SAMD4A: variants seen among roughly 807,000 people sequenced by gnomAD.
The protein encoded by SAMD4A is protein Smaug homolog 1.
A neutral mutation model predicts 81.3 loss-of-function variants in SAMD4A; 33 were observed. The observed-to-expected ratio is 0.41, with a 90% CI of 0.31 to 0.54. SAMD4A has a LOEUF of 0.54. Among genes scored for constraint, SAMD4A ranks in the 20% least tolerant of loss-of-function variants. The probability of loss-of-function intolerance (pLI) is 0.37; values close to 1 mark genes in which losing one functional copy is unlikely to be tolerated. For missense variants in SAMD4A, 854 were observed against 951.1 expected (o/e 0.90, Z 1.34); for synonymous variants, 389 against 382.1 (o/e 1.02, Z -0.21).
At chr14:54,753,297 C>T (rs141658752) in intron 6 of SAMD4A, among the ~76,000 whole-genome samples, 52 of 138,076 alleles carry the variant, frequency 3.8e-4, no homozygotes, top group Non-Finnish European at 7.2e-4. Flanking sequence ...TGCGGCTTTC[C>T]GCAGTGCATT....
rs118045167 is a variant in SAMD4A at position 54,621,070 on chromosome 14, T to G, written c.196+52958T>G. On this transcript the variant is annotated intron_variant, in intron 2 of 12. Coordinates refer to ENST00000554335, the MANE Select transcript of SAMD4A (RefSeq NM_015589.6). Reference sequence around the variant, plus strand: ...TATAGGCATGAGAGCCACTGACATTTGCTTTTGAGCAGGTGGAGAAAGGAG... The same window carrying G: ...TATAGGCATGAGAGCCACTGACATTGGCTTTTGAGCAGGTGGAGAAAGGAG... Among the ~76,000 whole-genome samples, 1,170 of 152,312 alleles carry G rather than the reference T, an allele frequency of 7.7e-3. 10 individuals carry two copies. The highest frequency in any genetic ancestry group is 0.014 in the Non-Finnish European group (934 of 68,028).
At chr14:54,570,292 AGT>A (rs2033092030) in intron 2 of SAMD4A, among the ~76,000 whole-genome samples, 2 of 152,268 alleles carry the variant, frequency 1.3e-5, no homozygotes, top group South Asian at 4.1e-4. Context: ...CTGAGTCTGT[AGT>A]GTGGCTCTCT....
At chr14:54,641,189 C>T (rs970990338) in intron 2 of SAMD4A, among the ~76,000 whole-genome samples, 5 of 152,176 alleles carry the variant, frequency 3.3e-5, no homozygotes, top group Non-Finnish European at 5.9e-5. Flanking sequence ...TATTACACAC[C>T]TCTCAGGGCT....
chr14:54,700,346 T>C (rs77435432), intron 2 of SAMD4A, among the ~76,000 whole-genome samples: 7,321 of 152,330 alleles, frequency 0.048, 234 homozygotes, highest in Admixed American at 0.1. Context: ...CTGGGATTTG[T>C]GTCCAGCTTT....
At chr14:54,687,158 A>G (rs935565525) in intron 2 of SAMD4A, 16 of 353,628 alleles carry the variant, frequency 4.5e-5, no homozygotes, top group African/African-American at 3.2e-4. Context: ...AACATTATAT[A>G]AAGAAGTGAT....
At chr14:54,666,550 C>T (rs2035762823) in intron 2 of SAMD4A, among the ~76,000 whole-genome samples, 1 of 152,328 alleles carries the variant, frequency 6.6e-6, no homozygotes, top group African/African-American at 2.4e-5. Context: ...TGGCCCTGCG[C>T]ATTTCAAACC....
chr14:54,678,679 G>C (rs1172078786), intron 2 of SAMD4A, among the ~76,000 whole-genome samples: 2 of 151,374 alleles, frequency 1.3e-5, no homozygotes. Flanking sequence ...CTCCTGAGTA[G>C]CTGGGACTAC....
chr14:54,596,547 T>G (rs533531386), intron 2 of SAMD4A, among the ~76,000 whole-genome samples: 1 of 152,346 alleles, frequency 6.6e-6, no homozygotes, highest in African/African-American at 2.4e-5. Context: ...ATCATGCCAC[T>G]GCACTCTAGC....
intron 2 of SAMD4A, among the ~76,000 whole-genome samples, chr14:54,573,246 G>A (rs1261071072): frequency 6.6e-6 from 1 of 152,112 alleles, no homozygotes; most frequent in African/African-American, 2.4e-5. Context: ...TGGTTGTATC[G>A]CCTGGGCACT....
chr14:54,582,863 A>G (rs1054331700), intron 2 of SAMD4A, among the ~76,000 whole-genome samples: 49 of 152,220 alleles, frequency 3.2e-4, no homozygotes, highest in African/African-American at 1.0e-3. Context: ...TAAGGTGACA[A>G]AAATTAAGAA....
intron 4 of SAMD4A, among the ~76,000 whole-genome samples, chr14:54,742,976 G>A (rs2037881429): frequency 6.6e-6 from 1 of 152,172 alleles, no homozygotes; most frequent in African/African-American, 2.4e-5. Context: ...GAAATAGCGG[G>A]TTTGGGGTTT....
At chr14:54,767,090 G>A (rs2038566895) in intron 8 of SAMD4A, among the ~76,000 whole-genome samples, 1 of 152,150 alleles carries the variant, frequency 6.6e-6, no homozygotes, top group Non-Finnish European at 1.5e-5. Context: ...CCTGCGTGCT[G>A]CTTTGGAAGG....
At chr14:54,680,838 G>T (rs991344538) in intron 2 of SAMD4A, among the ~76,000 whole-genome samples, 1 of 152,136 alleles carries the variant, frequency 6.6e-6, no homozygotes, top group African/African-American at 2.4e-5. Context: ...GTATGTTCTG[G>T]AGTCTCTTCT....
chr14:54,566,751 GCGCACACACACA>G (rs892770245), upstream of SAMD4A, among the ~76,000 whole-genome samples: 7 of 151,846 alleles, frequency 4.6e-5, no homozygotes, highest in South Asian at 8.3e-4. Flanking sequence ...CCACACACGC[GCGCACACACACA>G]CGCACACGCG....
At chr14:54,732,261 T>G (rs1241364989) in intron 3 of SAMD4A, among the ~76,000 whole-genome samples, 1 of 152,200 alleles carries the variant, frequency 6.6e-6, no homozygotes, top group East Asian at 1.9e-4. Context: ...CAGCATAGGT[T>G]TAATTTACAT....
intron 2 of SAMD4A, among the ~76,000 whole-genome samples, chr14:54,700,857 G>A (rs546741738): frequency 6.6e-6 from 1 of 152,196 alleles, no homozygotes; most frequent in African/African-American, 2.4e-5. Context: ...GTGAAGTAAG[G>A]CAGTCACAAA....
chr14:54,674,732 T>A (rs374475669), intron 2 of SAMD4A, among the ~76,000 whole-genome samples: 16 of 152,274 alleles, frequency 1.1e-4, no homozygotes, highest in East Asian at 9.7e-4. Context: ...GATACTCAAA[T>A]AAGTGGGCTA....
chr14:54,780,420 C>T (rs954848780), intron 11 of SAMD4A, among the ~76,000 whole-genome samples: 15 of 152,152 alleles, frequency 9.9e-5, no homozygotes, highest in Non-Finnish European at 7.3e-5. Flanking sequence ...CATTTCCTTC[C>T]GGAGAACTGC....
rs11306028 is a variant in SAMD4A at position 54,779,678 on chromosome 14, C to CT, written c.2044+3157dup. Among the ~76,000 whole-genome samples, 470 of 139,294 alleles carry CT rather than the reference C, an allele frequency of 3.4e-3. 2 individuals are homozygous for CT. Among genetic ancestry groups the CT allele is most frequent in the Non-Finnish European group, 4.7e-3 (306 of 64,860 alleles). 91.4% of individuals were successfully genotyped at this position (139,294 alleles called of 152,430 possible). A position where few individuals can be genotyped will look rare whatever the true frequency, so the allele number is the denominator to read the frequency against. On this transcript the variant is annotated intron_variant, in intron 11 of 12. Transcript: ENST00000554335. Reference sequence around the variant, plus strand: ...TTCATGTTATTCCCACATGGACAAGCTTTTTTTTTTTTTTTTTTTCGAGAC... The same window carrying CT: ...TTCATGTTATTCCCACATGGACAAGCTTTTTTTTTTTTTTTTTTTTCGAGAC...
Sources: allele counts gnomAD v4.1 joint callset (sites outside exome capture counted in the v4.1 genomes callset), GRCh38; gene constraint gnomAD v4.1.1; transcripts MANE v1.5; gene names NCBI Gene and HGNC (gene_info 2026-07-23, HGNC 2026-07-21).